Variants in ZBTB20 observed in about 807,000 individuals in gnomAD.
ZBTB20 encodes zinc finger and BTB domain-containing protein 20.
In ZBTB20, 9 loss-of-function variants were observed where a neutral mutation model predicts 56.9. The ratio of observed to expected loss-of-function variants is 0.16; its 90% confidence interval spans 0.10 to 0.28. The LOEUF (loss-of-function observed/expected upper bound fraction) is 0.28, where lower values mean the gene tolerates loss of function less well. Among genes scored for constraint, ZBTB20 ranks in the 10% least tolerant of loss-of-function variants. ZBTB20 has a pLI of 1.00. For missense variants in ZBTB20, 655 were observed against 1,003.0 expected (o/e 0.65, Z 4.69); for synonymous variants, 417 against 420.7 (o/e 0.99, Z 0.11).
At chr3:114,428,911 G>A (rs1029386536) in intron 7 of ZBTB20, among the ~76,000 whole-genome samples, 1 of 152,148 alleles carries the variant, frequency 6.6e-6, no homozygotes, top group African/African-American at 2.4e-5. Flanking sequence ...TAGCAGTAAT[G>A]AATTTACAGA....
At chr3:115,128,621 G>GC (rs2108661573) in intron 1 of ZBTB20, among the ~76,000 whole-genome samples, 1 of 150,520 alleles carries the variant, frequency 6.6e-6, no homozygotes, top group East Asian at 2.0e-4. Flanking sequence ...CCAAGATGAC[G>GC]CCACTGCACT....
intron 2 of ZBTB20, among the ~76,000 whole-genome samples, chr3:115,055,870 G>GT (rs1296683194): frequency 6.6e-6 from 1 of 151,994 alleles, no homozygotes; most frequent in Non-Finnish European, 1.5e-5. Flanking sequence ...TACAATAAAC[G>GT]TATTATAAGA....
intron 6 of ZBTB20, among the ~76,000 whole-genome samples, chr3:114,633,419 T>C (rs958359404): frequency 2.6e-5 from 4 of 152,240 alleles, no homozygotes; most frequent in Non-Finnish European, 4.4e-5. Context: ...AATTTTTTTT[T>C]CCTGTTGATC....
intron 6 of ZBTB20, among the ~76,000 whole-genome samples, chr3:114,537,302 A>G (rs1267085651): frequency 6.6e-6 from 1 of 152,000 alleles, no homozygotes; most frequent in African/African-American, 2.4e-5. Context: ...GAAAAAAACA[A>G]ACCCCATCAA....
intron 2 of ZBTB20, among the ~76,000 whole-genome samples, chr3:115,055,629 C>T (rs952807946): frequency 3.3e-5 from 5 of 152,004 alleles, no homozygotes; most frequent in East Asian, 1.9e-4. Flanking sequence ...TCTAACATAT[C>T]GCATTGTTGT....
intron 6 of ZBTB20, among the ~76,000 whole-genome samples, chr3:114,510,294 A>G (rs2045196270): frequency 6.6e-6 from 1 of 152,166 alleles, no homozygotes; most frequent in South Asian, 2.1e-4. Flanking sequence ...TTCATCTCTG[A>G]CCAATGAAGC....
At position 114,731,729 on chromosome 3, in the gene ZBTB20, ACCCGGC is replaced by A. The variant is rs1447428845; in HGVS notation, c.-342-38160_-342-38155del. 2.2e-4 allele frequency among the ~76,000 whole-genome samples: 34 copies of A among 152,108 alleles called. 2 individuals are homozygous for A. Among genetic ancestry groups the A allele is most frequent in the East Asian group, 5.8e-4 (3 of 5,188 alleles). On this transcript the variant is annotated intron_variant, in intron 5 of 11. Transcript: ENST00000675478. ...CCGGCTGTACCTAGATTAGTAACTAACCCGGCTGTACCTAGATTAGTAACTAACCCG... is the reference window on the plus strand; with the variant it reads ...CCGGCTGTACCTAGATTAGTAACTAATGTACCTAGATTAGTAACTAACCCG...
chr3:114,772,938 G>C (rs567231012), intron 5 of ZBTB20, among the ~76,000 whole-genome samples: 1 of 152,302 alleles, frequency 6.6e-6, no homozygotes, highest in Non-Finnish European at 1.5e-5. Context: ...CTTAAAAGCA[G>C]AGAACTTTTT....
chr3:114,800,185 G>C (rs535931971), intron 5 of ZBTB20, among the ~76,000 whole-genome samples: 11 of 152,006 alleles, frequency 7.2e-5, no homozygotes, highest in African/African-American at 2.7e-4. Flanking sequence ...TGTACATTTT[G>C]ATCTAAAATT....
At chr3:114,798,355 A>AACAAAAG (rs765538809) in intron 5 of ZBTB20, among the ~76,000 whole-genome samples, 1 of 150,630 alleles carries the variant, frequency 6.6e-6, no homozygotes, top group East Asian at 1.9e-4. Flanking sequence ...AAAACAAAAA[A>AACAAAAG]AAACACACAA....
rs575756631 is a variant in ZBTB20, at chr3:114,464,055, T to C, written c.-255+36297A>G. On this transcript the variant is annotated intron_variant, in intron 7 of 11. Coordinates refer to ENST00000675478, the MANE Select transcript of ZBTB20 (RefSeq NM_001348800.3). ...GCTATGCATCCTTAACTAGACTATATGCTCCCTGAGGACAATTCCTGATTT... is the reference window on the plus strand; with the variant it reads ...GCTATGCATCCTTAACTAGACTATACGCTCCCTGAGGACAATTCCTGATTT... 2.6e-5 allele frequency among the ~76,000 whole-genome samples: 4 copies of C among 152,378 alleles called. No homozygotes were observed. The South Asian group carries it at 8.3e-4, about 32-fold the overall frequency.
At chr3:114,508,864 T>C (rs2109778548) in intron 6 of ZBTB20, among the ~76,000 whole-genome samples, 1 of 152,254 alleles carries the variant, frequency 6.6e-6, no homozygotes, top group Admixed American at 6.5e-5. Context: ...TTGAGGTTGG[T>C]TATTACTGTG....
intron 1 of ZBTB20, among the ~76,000 whole-genome samples, chr3:115,138,431 ACT>A (rs1334190476): frequency 2.0e-5 from 3 of 151,744 alleles, no homozygotes; most frequent in Non-Finnish European, 4.4e-5. Flanking sequence ...CCTACTTACA[ACT>A]CTTTCACCTT....
At chr3:114,630,506 G>A (rs2058885765) in intron 6 of ZBTB20, among the ~76,000 whole-genome samples, 1 of 152,184 alleles carries the variant, frequency 6.6e-6, no homozygotes, top group East Asian at 1.9e-4. Flanking sequence ...GCTAGGGGTA[G>A]CTGCTACCTG....
At chr3:114,926,066 T>G (rs2076146319) in intron 3 of ZBTB20, among the ~76,000 whole-genome samples, 1 of 152,180 alleles carries the variant, frequency 6.6e-6, no homozygotes, top group South Asian at 2.1e-4. Context: ...TAAGACAGAA[T>G]TTATACACAC....
intron 6 of ZBTB20, among the ~76,000 whole-genome samples, chr3:114,585,275 T>A (rs1264683543): frequency 6.6e-6 from 1 of 152,130 alleles, no homozygotes; most frequent in Non-Finnish European, 1.5e-5. Context: ...GAGATAACAG[T>A]GCTCTTGAGG....
intron 5 of ZBTB20, among the ~76,000 whole-genome samples, chr3:114,721,165 T>C (rs1022246230): frequency 6.6e-6 from 1 of 152,146 alleles, no homozygotes; most frequent in Non-Finnish European, 1.5e-5. Flanking sequence ...CCTTGAATAA[T>C]GGGCTGAGTA....
chr3:114,625,155 G>A (rs1159008448), intron 6 of ZBTB20, among the ~76,000 whole-genome samples: 1 of 151,950 alleles, frequency 6.6e-6, no homozygotes, highest in Non-Finnish European at 1.5e-5. Context: ...CAGAAATACT[G>A]CAGGTCAAAA....
At chr3:114,927,017 T>C (rs766584126) in intron 3 of ZBTB20, among the ~76,000 whole-genome samples, 6 of 152,110 alleles carry the variant, frequency 3.9e-5, no homozygotes, top group South Asian at 4.2e-4. Context: ...AGTGCTGGGA[T>C]TATAGTGTGA....
Sources: allele counts gnomAD v4.1 joint callset (sites outside exome capture counted in the v4.1 genomes callset), GRCh38; gene constraint gnomAD v4.1.1; transcripts MANE v1.5; gene names NCBI Gene and HGNC (gene_info 2026-07-23, HGNC 2026-07-21).